The following DLG2 variants were observed in gnomAD, a reference collection of about 807,000 sequenced individuals.
The protein encoded by DLG2 is discs large MAGUK scaffold protein 2, also known as disks large homolog 2.
A neutral mutation model predicts 132.5 loss-of-function variants in DLG2; 45 were observed. That is an observed-to-expected ratio of 0.34 (90% CI 0.27 to 0.44). The LOEUF (loss-of-function observed/expected upper bound fraction) is 0.44. DLG2 is among the 20% of genes least tolerant of loss of function. The pLI, the probability that DLG2 is intolerant of heterozygous loss-of-function variation, is 1.00. For missense variants in DLG2, 1,045 were observed against 1,196.9 expected (o/e 0.87, Z 1.87); for synonymous variants, 424 against 419.6 (o/e 1.01, Z -0.13).
At chr11:85,149,341 G>A (rs1216739852) in intron 5 of DLG2, among the ~76,000 whole-genome samples, 4 of 152,186 alleles carry the variant, frequency 2.6e-5, no homozygotes, top group South Asian at 4.1e-4. Flanking sequence ...ACTTTGAGCA[G>A]TATGGCCATT....
At position 83,868,462 on chromosome 11, in the gene DLG2, C is replaced by T. The variant is rs151277986; in HGVS notation, c.1565+5958G>A. ...TATTCTTTATAAATAAACTCTTCAGCTGACAGGAAAGCAAAATAAAGAGAA... is the reference window on the plus strand; with the variant it reads ...TATTCTTTATAAATAAACTCTTCAGTTGACAGGAAAGCAAAATAAAGAGAA... On this transcript the variant is annotated intron_variant, in intron 16 of 27. Coordinates refer to ENST00000376104, the MANE Select transcript of DLG2 (RefSeq NM_001142699.3). Among the ~76,000 whole-genome samples, 28 of 152,082 alleles carry T rather than the reference C, an allele frequency of 1.8e-4. No homozygotes were observed. The East Asian group carries it at 5.0e-3, about 27-fold the overall frequency.
At chr11:85,033,640 G>A (rs1183119562) in intron 6 of DLG2, among the ~76,000 whole-genome samples, 1 of 152,146 alleles carries the variant, frequency 6.6e-6, no homozygotes, top group Admixed American at 6.5e-5. Flanking sequence ...CCTCCAGTGA[G>A]CTCTACTCAG....
At chr11:85,014,689 C>T (rs918423274) in intron 6 of DLG2, among the ~76,000 whole-genome samples, 1 of 152,162 alleles carries the variant, frequency 6.6e-6, no homozygotes, top group Non-Finnish European at 1.5e-5. Context: ...ATGATTCATA[C>T]TTCAAAGCCC....
intron 3 of DLG2, among the ~76,000 whole-genome samples, chr11:85,332,040 A>G (rs1387547027): frequency 6.6e-6 from 1 of 152,114 alleles, no homozygotes; most frequent in East Asian, 1.9e-4. Context: ...GAAATCTCCA[A>G]ACAGCTTTCC....
chr11:83,800,024 T>C (rs2043926517), intron 17 of DLG2, among the ~76,000 whole-genome samples: 1 of 152,166 alleles, frequency 6.6e-6, no homozygotes, highest in African/African-American at 2.4e-5. Flanking sequence ...GCCTGGCATC[T>C]AGTAAGGGCA....
At chr11:83,660,125 G>A (rs2073872193) in intron 18 of DLG2, among the ~76,000 whole-genome samples, 1 of 152,182 alleles carries the variant, frequency 6.6e-6, no homozygotes, top group South Asian at 2.1e-4. Flanking sequence ...TGTGCAAAAG[G>A]ATAGGTTTTT....
At chr11:84,658,440 T>C (rs2099690800) in intron 6 of DLG2, among the ~76,000 whole-genome samples, 1 of 152,152 alleles carries the variant, frequency 6.6e-6, no homozygotes, top group African/African-American at 2.4e-5. Flanking sequence ...TTCTCGTGAA[T>C]GGGATTTATG....
chr11:84,264,766 G>T (rs546442804), intron 7 of DLG2, among the ~76,000 whole-genome samples: 1 of 152,236 alleles, frequency 6.6e-6, no homozygotes, highest in Admixed American at 6.5e-5. Flanking sequence ...CAATCATCTC[G>T]TGACTGCTCC....
intron 6 of DLG2, among the ~76,000 whole-genome samples, chr11:84,555,660 G>A (rs1052702390): frequency 5.3e-5 from 8 of 152,212 alleles, no homozygotes; most frequent in Admixed American, 2.6e-4. Context: ...AGGGACTAGA[G>A]AGAGGAAGAA....
At chr11:84,832,742 C>T (rs1335644796) in intron 6 of DLG2, among the ~76,000 whole-genome samples, 1 of 151,488 alleles carries the variant, frequency 6.6e-6, no homozygotes, top group Non-Finnish European at 1.5e-5. Context: ...GATTGAAAGC[C>T]AAATATTCTG....
At chr11:84,805,926 T>C (rs1269729407) in intron 6 of DLG2, among the ~76,000 whole-genome samples, 2 of 152,164 alleles carry the variant, frequency 1.3e-5, no homozygotes, top group Non-Finnish European at 2.9e-5. Context: ...ATTTTGAACA[T>C]ACTTGAAACA....
intron 6 of DLG2, among the ~76,000 whole-genome samples, chr11:84,853,467 C>T (rs934956407): frequency 8.5e-5 from 13 of 152,132 alleles, no homozygotes; most frequent in Middle Eastern, 3.4e-3. Context: ...TATCCAAATA[C>T]TTACCAAACT....
intron 7 of DLG2, among the ~76,000 whole-genome samples, chr11:84,533,905 CAAAAAAAAAAA>C (rs558597260): frequency 3.3e-4 from 23 of 70,276 alleles, no homozygotes; most frequent in African/African-American, 6.3e-4. Context: ...CCAGTTCAGC[CAAAAAAAAAAA>C]AAAAAAAAAA....
At chr11:85,459,184 T>A (rs2092521349) in intron 3 of DLG2, among the ~76,000 whole-genome samples, 1 of 152,180 alleles carries the variant, frequency 6.6e-6, no homozygotes, top group South Asian at 2.1e-4. Context: ...GCAAGGTCAC[T>A]ACCACTGCAG....
At chr11:85,369,318 C>T (rs538511342) in intron 3 of DLG2, among the ~76,000 whole-genome samples, 3 of 152,140 alleles carry the variant, frequency 2.0e-5, no homozygotes, top group Non-Finnish European at 4.4e-5. Context: ...CCTTTCCCCC[C>T]GCCAAGAGGT....
chr11:85,138,867 T>C (rs2076285440), intron 5 of DLG2, among the ~76,000 whole-genome samples: 1 of 151,198 alleles, frequency 6.6e-6, no homozygotes, highest in Admixed American at 6.6e-5. Context: ...TATGTCTTTA[T>C]AAGCAGCCTG....
intron 3 of DLG2, among the ~76,000 whole-genome samples, chr11:85,503,376 C>A (rs1305536540): frequency 3.9e-5 from 6 of 152,108 alleles, no homozygotes; most frequent in Non-Finnish European, 7.4e-5. Flanking sequence ...TCACTATATT[C>A]TCTTTCCTTT....
chr11:84,943,405 C>T (rs182121445), intron 6 of DLG2, among the ~76,000 whole-genome samples: 121 of 152,102 alleles, frequency 8.0e-4, no homozygotes, highest in Non-Finnish European at 1.6e-3. Flanking sequence ...TTCCCACATC[C>T]CTTCCTCCCT....
At chr11:84,227,913 C>CAAAA (rs59917539) in intron 8 of DLG2, among the ~76,000 whole-genome samples, 1 of 74,354 alleles carries the variant, frequency 1.3e-5, no homozygotes, top group Non-Finnish European at 2.8e-5. Context: ...GACTCCATCT[C>CAAAA]AAAAAAAAAA....
Sources: allele counts gnomAD v4.1 joint callset (sites outside exome capture counted in the v4.1 genomes callset), GRCh38; gene constraint gnomAD v4.1.1; transcripts MANE v1.5; gene names NCBI Gene and HGNC (gene_info 2026-07-23, HGNC 2026-07-21).